Variants in GSK3B observed in about 807,000 individuals in gnomAD.
GSK3B encodes the protein glycogen synthase kinase-3 beta.
GSK3B carries 15 observed loss-of-function variants against 56.4 expected under a neutral mutation model. That is an observed-to-expected ratio of 0.27 (90% CI 0.18 to 0.41). GSK3B has a LOEUF of 0.41. Among genes scored for constraint, GSK3B ranks in the 10% least tolerant of loss-of-function variants. The probability of loss-of-function intolerance (pLI) is 1.00; values close to 1 mark genes in which losing one functional copy is unlikely to be tolerated. For synonymous variants in GSK3B, 181 were observed against 188.9 expected (o/e 0.96, Z 0.34); for missense variants, 300 against 513.4 (o/e 0.58, Z 4.02).
intron 3 of GSK3B, among the ~76,000 whole-genome samples, chr3:119,934,283 C>T (rs1012941363): frequency 1.3e-5 from 2 of 152,170 alleles, no homozygotes; most frequent in East Asian, 1.9e-4. Flanking sequence ...TAAAGCATGT[C>T]GACAGTATAT....
At chr3:120,051,537 C>T (rs765074453) in intron 1 of GSK3B, among the ~76,000 whole-genome samples, 3 of 152,112 alleles carry the variant, frequency 2.0e-5, no homozygotes, top group South Asian at 4.1e-4. Context: ...AAGGCTGAGG[C>T]GGGTGTATCA....
In GSK3B at chr3:119,821,487, C is replaced by G. The variant is rs1174184581; in HGVS notation, c.*5301G>C. ...ATCCAGTATTGGAAATGAGCAGACT[C>G]AAACACAACATGTGTTGGTTACCTG... On this transcript the variant is annotated 3_prime_UTR_variant, in exon 11 of 11. Transcript: ENST00000264235. The G allele has an allele frequency of 2.0e-5, 3 of 152,160 alleles. No individual in the cohort carries two copies. Among genetic ancestry groups the G allele is most frequent in the African/African-American group, 4.8e-5 (2 of 41,402 alleles). 9.4% of individuals were successfully genotyped at this position (152,160 alleles called of 1,614,324 possible).
At chr3:119,926,649 A>C (rs1293611418) in intron 3 of GSK3B, among the ~76,000 whole-genome samples, 1 of 152,080 alleles carries the variant, frequency 6.6e-6, no homozygotes, top group Non-Finnish European at 1.5e-5. Flanking sequence ...TCTGTCCTCT[A>C]TTCTTCTACT....
At chr3:120,079,184 G>A (rs1029514742) in intron 1 of GSK3B, among the ~76,000 whole-genome samples, 5 of 147,430 alleles carry the variant, frequency 3.4e-5, no homozygotes, top group African/African-American at 7.5e-5. Context: ...TCAGCGATCC[G>A]CCCCTCCTCA....
At chr3:120,084,604 G>A (rs1317505852) in intron 1 of GSK3B, 1 of 152,200 alleles carries the variant, frequency 6.6e-6, no homozygotes, top group African/African-American at 2.4e-5. Context: ...AGGCTTCATT[G>A]ACACTGACGC....
At chr3:119,914,535 A>G (rs1221163252) in intron 5 of GSK3B, among the ~76,000 whole-genome samples, 1 of 152,124 alleles carries the variant, frequency 6.6e-6, no homozygotes, top group Non-Finnish European at 1.5e-5. Flanking sequence ...ACAATAAAAC[A>G]TATCTGATTT....
chr3:120,086,366 A>C (rs2058463333), intron 1 of GSK3B, among the ~76,000 whole-genome samples: 1 of 152,184 alleles, frequency 6.6e-6, no homozygotes, highest in Non-Finnish European at 1.5e-5. Flanking sequence ...TCCAACTAGA[A>C]GATGGTGAAT....
In GSK3B at chr3:119,890,350, A is replaced by T. The variant is rs550664829; in HGVS notation, c.814-13842T>A. Among the ~76,000 whole-genome samples, 268 of 152,276 alleles carry T rather than the reference A, an allele frequency of 1.8e-3. 3 individuals are homozygous for T. Among genetic ancestry groups the T allele is most frequent in the South Asian group, 0.013 (63 of 4,818 alleles). On this transcript the variant is annotated intron_variant, in intron 7 of 10. Coordinates refer to ENST00000264235, the MANE Select transcript of GSK3B (RefSeq NM_001146156.2). ...ACAGGCAGCAACACTGACGAATCTC[A>T]AAAACATGGTACTGAGCAAAAAAAG...
intron 1 of GSK3B, among the ~76,000 whole-genome samples, chr3:120,062,027 C>A (rs1041133696): frequency 3.3e-5 from 5 of 152,112 alleles, no homozygotes; most frequent in African/African-American, 1.2e-4. Context: ...CCACCATTTC[C>A]GGCCATATAT....
chr3:120,092,082 C>T (rs1160301580), intron 1 of GSK3B, among the ~76,000 whole-genome samples: 1 of 152,088 alleles, frequency 6.6e-6, no homozygotes, highest in Admixed American at 6.6e-5. Flanking sequence ...CCTCATGATG[C>T]CCCTCTTTCC....
At chr3:120,092,841 C>T (rs988621859) in intron 1 of GSK3B, among the ~76,000 whole-genome samples, 2 of 152,080 alleles carry the variant, frequency 1.3e-5, no homozygotes, top group African/African-American at 4.8e-5. Flanking sequence ...TGTAGTCATA[C>T]AAACAAGAAA....
At chr3:120,058,017 C>T (rs1437994870) in intron 1 of GSK3B, among the ~76,000 whole-genome samples, 1 of 152,004 alleles carries the variant, frequency 6.6e-6, no homozygotes, top group Non-Finnish European at 1.5e-5. Context: ...TTATTCTTTT[C>T]CACCAATCTT....
chr3:120,014,364 A>G (rs534689074), intron 1 of GSK3B, among the ~76,000 whole-genome samples: 1 of 152,252 alleles, frequency 6.6e-6, no homozygotes, highest in African/African-American at 2.4e-5. Flanking sequence ...CATAAAAATT[A>G]ATTAGCAAAG....
chr3:119,982,352 A>G (rs902643412), intron 2 of GSK3B, among the ~76,000 whole-genome samples: 2 of 152,224 alleles, frequency 1.3e-5, no homozygotes, highest in African/African-American at 4.8e-5. Context: ...AAAAGCTGGA[A>G]GGAGAATGAC....
chr3:120,089,266 T>C (rs2058491283), intron 1 of GSK3B, among the ~76,000 whole-genome samples: 3 of 152,234 alleles, frequency 2.0e-5, no homozygotes, highest in Non-Finnish European at 1.5e-5. Flanking sequence ...ATTAGCATTC[T>C]ACAGGTGCAT....
chr3:119,917,823 TTTG>T (rs1393348794), intron 4 of GSK3B, among the ~76,000 whole-genome samples: 1 of 152,120 alleles, frequency 6.6e-6, no homozygotes, highest in Non-Finnish European at 1.5e-5. Flanking sequence ...ATATTATATA[TTTG>T]TTGTTATTTC....
In GSK3B at chr3:120,028,982, T is replaced by C. The variant is rs573860133; in HGVS notation, c.89-26743A>G. On this transcript the variant is annotated intron_variant, in intron 1 of 10. Coordinates refer to ENST00000264235, the MANE Select transcript of GSK3B (RefSeq NM_001146156.2). Reference sequence around the variant, plus strand: ...AAGAGAAGTGCTTTGGTTCCTCCTGTGGAAGAAACGGCCTTTTATCCTTCT... The same window carrying C: ...AAGAGAAGTGCTTTGGTTCCTCCTGCGGAAGAAACGGCCTTTTATCCTTCT... 51 of 589,748 alleles carry C rather than the reference T, an allele frequency of 8.6e-5. No individual in the cohort carries two copies. In the Middle Eastern group the frequency reaches 1.1e-3, roughly 12 times the overall value. 36.5% of individuals were successfully genotyped at this position (589,748 alleles called of 1,614,324 possible).
At chr3:119,922,138 A>C (rs1162334244) in intron 4 of GSK3B, among the ~76,000 whole-genome samples, 1 of 150,500 alleles carries the variant, frequency 6.6e-6, no homozygotes, top group Non-Finnish European at 1.5e-5. Context: ...TGAAGGAAGG[A>C]AGGAAGGAAG....
chr3:119,822,190 CAA>C lies in GSK3B; in HGVS notation c.*4596_*4597del, dbSNP rs966614426. 5 of 185,634 alleles carry C rather than the reference CAA, an allele frequency of 2.7e-5. No homozygotes were observed. The highest frequency in any genetic ancestry group is 1.9e-4 in the Admixed American group (3 of 15,886). The allele number at this position is 185,634 out of a possible 1,614,324, so 11.5% of individuals were successfully genotyped here. ...TACAGATTTTGCTTTTCCTTTATAT[CAA>C]GACAGATTTGCACAAGTGTTTGCAA... is the stretch of plus-strand genomic sequence containing the variant. On this transcript the variant is annotated 3_prime_UTR_variant, in exon 11 of 11. Transcript: ENST00000264235.
Sources: allele counts gnomAD v4.1 joint callset (sites outside exome capture counted in the v4.1 genomes callset), GRCh38; gene constraint gnomAD v4.1.1; transcripts MANE v1.5; gene names NCBI Gene and HGNC (gene_info 2026-07-23, HGNC 2026-07-21).